EBF2: variants seen among roughly 807,000 people sequenced by gnomAD.
EBF2 encodes transcription factor COE2.
EBF2 carries 21 observed loss-of-function variants against 72.8 expected under a neutral mutation model. The ratio of observed to expected loss-of-function variants is 0.29; its 90% CI spans 0.20 to 0.42. The LOEUF (loss-of-function observed/expected upper bound fraction) is 0.42. Among genes scored for constraint, EBF2 ranks in the 10% least tolerant of loss-of-function variants. The pLI is 1.00. For missense variants in EBF2, 637 were observed against 731.2 expected (o/e 0.87, Z 1.49); for synonymous variants, 299 against 274.2 (o/e 1.09, Z -0.89).
intron 6 of EBF2, among the ~76,000 whole-genome samples, chr8:25,910,241 G>A (rs1371451105): frequency 2.2e-4 from 34 of 152,140 alleles, no homozygotes; most frequent in Non-Finnish European, 7.4e-5. Flanking sequence ...CATCCCCTCC[G>A]TTTGTACACT....
intron 6 of EBF2, among the ~76,000 whole-genome samples, chr8:25,936,874 T>G (rs1189765303): frequency 6.6e-6 from 1 of 152,202 alleles, no homozygotes; most frequent in Non-Finnish European, 1.5e-5. Context: ...GCCTAAAGAT[T>G]TTATTCTAGA....
intron 6 of EBF2, among the ~76,000 whole-genome samples, chr8:26,027,380 T>C (rs1341094619): frequency 2.6e-5 from 4 of 151,890 alleles, no homozygotes; most frequent in African/African-American, 7.3e-5. Flanking sequence ...ATGACAAGCC[T>C]GGACCAAAGG....
chr8:25,996,417 T>C (rs996066197), intron 6 of EBF2, among the ~76,000 whole-genome samples: 4 of 152,108 alleles, frequency 2.6e-5, no homozygotes, highest in Admixed American at 2.6e-4. Flanking sequence ...CTGAATAATT[T>C]AAGGTAATCT....
intron 10 of EBF2, among the ~76,000 whole-genome samples, chr8:25,867,220 G>A (rs1410853841): frequency 1.3e-5 from 2 of 152,098 alleles, no homozygotes; most frequent in African/African-American, 4.8e-5. Flanking sequence ...TCCAACTAAT[G>A]ATTTTTATTT....
At chr8:25,874,208 A>T (rs1443650762) in intron 10 of EBF2, among the ~76,000 whole-genome samples, 1 of 152,114 alleles carries the variant, frequency 6.6e-6, no homozygotes, top group East Asian at 1.9e-4. Flanking sequence ...AGCTATTAAC[A>T]TTTGAAATCC....
chr8:25,912,891 C>G (rs1002505505), intron 6 of EBF2, among the ~76,000 whole-genome samples: 2 of 152,130 alleles, frequency 1.3e-5, no homozygotes, highest in African/African-American at 2.4e-5. Context: ...GTGGCTTCCA[C>G]ATGTCTTCCG....
intron 7 of EBF2, among the ~76,000 whole-genome samples, chr8:25,890,290 A>G (rs2117293584): frequency 6.6e-6 from 1 of 152,362 alleles, no homozygotes; most frequent in Non-Finnish European, 1.5e-5. Context: ...CTTGCACTTC[A>G]GACAGGTCCT....
rs145202305 is a variant in EBF2, at chr8:25,847,674, G to A, written c.1696+2920C>T. ...AACTGAGGCTCTGAGATAATGGCAT[G>A]CACAGATTGACAAGGCCCGGAAAGA... is the stretch of plus-strand genomic sequence containing the variant. On this transcript the variant is annotated intron_variant, in intron 15 of 15. Transcript: ENST00000520164. Among the ~76,000 whole-genome samples, 40 of 152,262 alleles carry A rather than the reference G, an allele frequency of 2.6e-4. No individual in the cohort carries two copies. The East Asian group carries it at 4.1e-3, about 15-fold the overall frequency.
chr8:26,001,792 G>A (rs1176336645), intron 6 of EBF2, among the ~76,000 whole-genome samples: 5 of 151,974 alleles, frequency 3.3e-5, no homozygotes, highest in African/African-American at 1.2e-4. Flanking sequence ...CAAGTGATCT[G>A]CCCGCCTCGG....
chr8:25,900,910 AGT>A (rs1802940441), intron 7 of EBF2, among the ~76,000 whole-genome samples: 1 of 152,166 alleles, frequency 6.6e-6, no homozygotes, highest in African/African-American at 2.4e-5. Context: ...TATTTGATAG[AGT>A]GGGGTGACTA....
intron 6 of EBF2, among the ~76,000 whole-genome samples, chr8:25,988,523 C>T (rs1385871326): frequency 6.6e-6 from 1 of 152,152 alleles, no homozygotes; most frequent in Non-Finnish European, 1.5e-5. Flanking sequence ...AACTAGGAGG[C>T]TCATATGATC....
intron 15 of EBF2, among the ~76,000 whole-genome samples, chr8:25,847,706 C>G (rs1480537109): frequency 1.3e-5 from 2 of 152,160 alleles, no homozygotes; most frequent in Admixed American, 1.3e-4. Context: ...AAGAGCTGAA[C>G]TAGAACTCAG....
intron 6 of EBF2, among the ~76,000 whole-genome samples, chr8:25,999,024 A>G (rs2117217887): frequency 6.6e-6 from 1 of 152,340 alleles, no homozygotes; most frequent in East Asian, 1.9e-4. Flanking sequence ...TTTCTTGTAG[A>G]AGAGCTGGAG....
intron 6 of EBF2, among the ~76,000 whole-genome samples, chr8:25,935,854 T>G (rs1803570554): frequency 6.6e-6 from 1 of 152,192 alleles, no homozygotes. Flanking sequence ...AATTTAAATA[T>G]TCCTTAAAGA....
At chr8:25,922,813 G>T (rs539376828) in intron 6 of EBF2, among the ~76,000 whole-genome samples, 4 of 152,104 alleles carry the variant, frequency 2.6e-5, no homozygotes, top group African/African-American at 4.8e-5. Flanking sequence ...TGGGGGAAAG[G>T]CCTAATTGAC....
Position 25,861,937 on chromosome 8 carries a change from CT to C in EBF2, c.1099-564del, listed in dbSNP as rs368469762. The stretch of plus-strand genomic sequence containing the variant: ...CCTCTCATTTTGCCTTTTCCACCTC[CT>C]GTTTTACACAGCCTTTTAAATTGCT... On this transcript the variant is annotated intron_variant, in intron 11 of 15. Coordinates refer to ENST00000520164, the MANE Select transcript of EBF2 (RefSeq NM_022659.4). Among the ~76,000 whole-genome samples, 32 of 152,246 alleles carry C rather than the reference CT, an allele frequency of 2.1e-4. No individual in the cohort carries two copies. In the East Asian group the frequency reaches 6.2e-3, roughly 29 times the overall value.
At chr8:26,036,199 A>AATTCAGCTGC (rs1215363512) in intron 5 of EBF2, among the ~76,000 whole-genome samples, 2 of 152,196 alleles carry the variant, frequency 1.3e-5, no homozygotes, top group Non-Finnish European at 2.9e-5. Context: ...TGTTCAGCTG[A>AATTCAGCTGC]ATTCAGCTGC....
intron 6 of EBF2, among the ~76,000 whole-genome samples, chr8:25,913,470 G>A (rs1803162348): frequency 6.6e-6 from 1 of 152,084 alleles, no homozygotes. Context: ...TCACATAGAA[G>A]GAATGTGAAC....
intron 6 of EBF2, among the ~76,000 whole-genome samples, chr8:25,974,089 G>T (rs1370699632): frequency 6.6e-6 from 1 of 152,212 alleles, no homozygotes; most frequent in Admixed American, 6.5e-5. Context: ...CAATGCAAAA[G>T]ATTTTACAGT....
Sources: gnomAD v4.1 joint callset for allele counts (sites outside exome capture counted in the v4.1 genomes callset) on GRCh38, gnomAD v4.1.1 for gene constraint, MANE v1.5 for transcripts, NCBI Gene and HGNC (gene_info 2026-07-23, HGNC 2026-07-21) for gene names.